RHEB: variants seen among roughly 807,000 people sequenced by gnomAD.
RHEB encodes Ras homolog, mTORC1 binding.
A neutral mutation model predicts 28.8 loss-of-function variants in RHEB; 2 were observed. The observed-to-expected ratio is 0.07, with a 90% CI of 0.03 to 0.22. RHEB has a LOEUF of 0.22. RHEB is among the 10% of genes least tolerant of loss of function. The pLI, the probability that RHEB is intolerant of heterozygous loss-of-function variation, is 1.00. For synonymous variants in RHEB, 69 were observed against 77.3 expected, an observed-to-expected ratio of 0.89 and a Z score of 0.56; for missense variants, 76 against 219.9, an observed-to-expected ratio of 0.35 and a Z score of 4.14.
intron 1 of RHEB, among the ~76,000 whole-genome samples, chr7:151,510,914 C>CA (rs1051389608): frequency 1.3e-5 from 2 of 151,504 alleles, no homozygotes; most frequent in South Asian, 2.1e-4. Context: ...CTCATGTCTA[C>CA]AAAAAAATAA....
chr7:151,501,986 C>A, intron 1 of RHEB: 1 of 587,044 alleles, frequency 1.7e-6, no homozygotes, highest in Non-Finnish European at 3.2e-6. Context: ...GCCTGTAATC[C>A]CAGCACTTTG....
intron 1 of RHEB, among the ~76,000 whole-genome samples, chr7:151,510,000 C>A (rs1232229848): frequency 6.6e-6 from 1 of 152,168 alleles, no homozygotes; most frequent in Non-Finnish European, 1.5e-5. Context: ...TATAGATCAT[C>A]GTCTTATTTG....
At chr7:151,478,878 G>A (rs141711259) in intron 3 of RHEB, among the ~76,000 whole-genome samples, 36 of 151,994 alleles carry the variant, frequency 2.4e-4, no homozygotes, top group African/African-American at 8.0e-4. Flanking sequence ...CAGGTGATCC[G>A]CTTGCCTTGG....
intron 3 of RHEB, among the ~76,000 whole-genome samples, chr7:151,479,179 C>T (rs989586128): frequency 3.3e-5 from 5 of 152,068 alleles, no homozygotes; most frequent in Non-Finnish European, 7.4e-5. Flanking sequence ...GAATGAGGTA[C>T]ATGATAATAT....
chr7:151,477,955 CAG>C (rs962905861), intron 3 of RHEB, among the ~76,000 whole-genome samples: 8 of 151,676 alleles, frequency 5.3e-5, no homozygotes, highest in African/African-American at 1.9e-4. Flanking sequence ...GAGAGAGAAA[CAG>C]AGAAAGAGAA....
At chr7:151,519,370 C>A (rs2150942697) in intron 1 of RHEB, 90 bp downstream of exon 1, 1 of 955,344 alleles carries the variant, frequency 1.0e-6, no homozygotes, top group Admixed American at 4.6e-5. Flanking sequence ...ATGGCCGCGC[C>A]GGCTCCAAAC....
intron 1 of RHEB, among the ~76,000 whole-genome samples, chr7:151,506,255 T>C (rs769571367): frequency 6.6e-6 from 1 of 151,632 alleles, no homozygotes; most frequent in African/African-American, 2.4e-5. Flanking sequence ...GGCAGGATCA[T>C]AGCTCACTGT....
At chr7:151,513,793 T>C (rs1803030713) in intron 1 of RHEB, among the ~76,000 whole-genome samples, 3 of 152,178 alleles carry the variant, frequency 2.0e-5, no homozygotes, top group Admixed American at 2.0e-4. Context: ...AGGGAATGAA[T>C]TCAGGAGCAG....
At chr7:151,481,080 G>A (rs142453715) in intron 3 of RHEB, among the ~76,000 whole-genome samples, 15 of 151,316 alleles carry the variant, frequency 9.9e-5, no homozygotes, top group South Asian at 4.2e-4. Context: ...CAAGCTTAAC[G>A]TTCCAATAAT....
intron 1 of RHEB, among the ~76,000 whole-genome samples, chr7:151,495,667 T>C (rs148951141): frequency 6.6e-6 from 1 of 152,316 alleles, no homozygotes; most frequent in Non-Finnish European, 1.5e-5. Context: ...AAATAACTTA[T>C]TAGCCCGGTG....
intron 1 of RHEB, among the ~76,000 whole-genome samples, chr7:151,511,740 G>A (rs2299970): frequency 0.15 from 22,602 of 150,916 alleles, 2,181 homozygotes; most frequent in East Asian, 0.22. Context: ...CTCCCCCTTC[G>A]GGTTCAAGTG....
At chr7:151,471,838 A>G (rs755798225) in intron 4 of RHEB, 2 of 466,948 alleles carry the variant, frequency 4.3e-6, no homozygotes, top group Non-Finnish European at 7.6e-6. Context: ...AAGGCATTCA[A>G]ACGGAAAGCC....
At chr7:151,497,705 T>C (rs1456326995) in intron 1 of RHEB, among the ~76,000 whole-genome samples, 3 of 152,198 alleles carry the variant, frequency 2.0e-5, no homozygotes, top group Non-Finnish European at 4.4e-5. Context: ...GCTGGGCATG[T>C]AGCCCTGTCT....
chr7:151,488,644 A>G (rs1802525641), intron 2 of RHEB, among the ~76,000 whole-genome samples: 2 of 152,334 alleles, frequency 1.3e-5, no homozygotes, highest in South Asian at 4.1e-4. Flanking sequence ...ATGCCTCACG[A>G]ACTTTTAATG....
chr7:151,480,091 TA>T (rs1802355707), intron 3 of RHEB, among the ~76,000 whole-genome samples: 1 of 152,162 alleles, frequency 6.6e-6, no homozygotes, highest in South Asian at 2.1e-4. Context: ...GGTGAGGGTG[TA>T]GGGAAATAGA....
At chr7:151,513,193 AGCACTTGT>A (rs946782296) in intron 1 of RHEB, among the ~76,000 whole-genome samples, 2 of 152,260 alleles carry the variant, frequency 1.3e-5, no homozygotes, top group African/African-American at 2.4e-5. Flanking sequence ...TTCCAAAAAA[AGCACTTGT>A]GCAGTCATTT....
intron 1 of RHEB, chr7:151,517,930 C>T (rs1389283055): frequency 6.6e-6 from 1 of 152,166 alleles, no homozygotes; most frequent in Non-Finnish European, 1.5e-5. Context: ...GCCAGAACAC[C>T]TCGCGGTCCC....
intron 1 of RHEB, among the ~76,000 whole-genome samples, chr7:151,507,301 G>A (rs751116111): frequency 1.3e-5 from 2 of 152,188 alleles, no homozygotes; most frequent in Non-Finnish European, 2.9e-5. Context: ...AGTAAGAAAT[G>A]TGTAGCTCCC....
intron 1 of RHEB, among the ~76,000 whole-genome samples, chr7:151,510,890 G>A (rs900156949): frequency 5.3e-5 from 8 of 151,966 alleles, no homozygotes; most frequent in Non-Finnish European, 1.0e-4. Flanking sequence ...ACCAGTCGAG[G>A]CAACAAGTAA....
Sources: gnomAD v4.1 joint callset for allele counts (sites outside exome capture counted in the v4.1 genomes callset) on GRCh38, gnomAD v4.1.1 for gene constraint, MANE v1.5 for transcripts, NCBI Gene and HGNC (gene_info 2026-07-23, HGNC 2026-07-21) for gene names.